PCDHA7: variants seen among roughly 807,000 people sequenced by gnomAD.
The protein encoded by PCDHA7 is protocadherin alpha 7.
PCDHA7 carries 37 observed loss-of-function variants against 57.2 expected under a neutral mutation model. The observed-to-expected ratio is 0.65, with a 90% confidence interval of 0.50 to 0.85. PCDHA7 has a LOEUF of 0.85. PCDHA7 is among the 40% of genes least tolerant of loss of function. PCDHA7 has a pLI of 0.00. For missense variants in PCDHA7, 1,188 were observed against 1,241.8 expected, an observed-to-expected ratio of 0.96 and a Z score of 0.65; for synonymous variants, 553 against 558.8, an observed-to-expected ratio of 0.99 and a Z score of 0.15.
intron 1 of PCDHA7, chr5:140,850,154 G>C (rs2150469964): frequency 6.3e-7 from 1 of 1,595,410 alleles, no homozygotes; most frequent in Non-Finnish European, 8.6e-7. Flanking sequence ...CGCTGCAGGT[G>C]TTCGTGCTGG....
At chr5:140,849,820 C>A (rs2150451868) in intron 1 of PCDHA7, 1 of 1,598,424 alleles carries the variant, frequency 6.3e-7, no homozygotes, top group South Asian at 1.1e-5. Context: ...GCCAGGGTGT[C>A]TGTGGAGGTG....
intron 1 of PCDHA7, chr5:140,883,017 C>G: frequency 6.2e-7 from 1 of 1,614,054 alleles, no homozygotes. Context: ...TATAAAGTGA[C>G]GGTGTTAGAG....
intron 1 of PCDHA7, among the ~76,000 whole-genome samples, chr5:140,838,628 T>G (rs1364400587): frequency 2.0e-5 from 3 of 151,994 alleles, no homozygotes; most frequent in African/African-American, 7.3e-5. Flanking sequence ...TTACAAATAA[T>G]TTGGTTGGTC....
chr5:140,842,467 C>T (rs1554139064), intron 1 of PCDHA7: 3 of 1,613,802 alleles, frequency 1.9e-6, no homozygotes, highest in East Asian at 2.2e-5. Context: ...CAGGTGCCAA[C>T]GGGCAGGTGA....
chr5:140,915,542 G>T (rs1253663657), intron 1 of PCDHA7, among the ~76,000 whole-genome samples: 2 of 152,030 alleles, frequency 1.3e-5, no homozygotes, highest in Admixed American at 6.6e-5. Context: ...TGGAGGTCTT[G>T]AATAAGATCC....
chr5:140,862,339 C>T (rs1221529489), intron 1 of PCDHA7: 2 of 332,834 alleles, frequency 6.0e-6, no homozygotes, highest in Non-Finnish European at 1.2e-5. Context: ...TTGACCCTAA[C>T]TTCAGTGCCA....
At chr5:140,907,590 C>A (rs924020141) in intron 1 of PCDHA7, among the ~76,000 whole-genome samples, 11 of 152,210 alleles carry the variant, frequency 7.2e-5, no homozygotes, top group Non-Finnish European at 1.6e-4. Flanking sequence ...TGGCTGATCA[C>A]CCTGAGGAAT....
intron 1 of PCDHA7, among the ~76,000 whole-genome samples, chr5:140,871,921 A>G (rs1267841761): frequency 6.6e-6 from 1 of 152,296 alleles, no homozygotes; most frequent in African/African-American, 2.4e-5. Flanking sequence ...ATATTTCCAC[A>G]TTGTTAGATC....
At position 140,868,819 on chromosome 5, in the gene PCDHA7, G is replaced by A. The variant is rs2050665181; in HGVS notation, c.2355+32081G>A. The A allele has an allele frequency of 7.5e-5, 29 of 388,032 alleles. No individual in the cohort carries two copies. In the East Asian group the frequency reaches 1.2e-3, roughly 16 times the overall value. The allele number at this position is 388,032 out of a possible 1,614,324, so 24.0% of individuals were successfully genotyped here. On this transcript the variant is annotated intron_variant, in intron 1 of 3. Transcript: ENST00000525929. ...ATAAATAAGCACGTTGGAAATATTT[G>A]GGGGAAGAAACCCAAAACACGTGAA...
intron 3 of PCDHA7, among the ~76,000 whole-genome samples, chr5:141,000,393 C>CTATA (rs1563650230): frequency 1.3e-4 from 7 of 52,858 alleles, no homozygotes; most frequent in Admixed American, 2.8e-4. Context: ...CTCTCTCTCT[C>CTATA]TCTATATATA....
intron 3 of PCDHA7, 57 bp downstream of exon 3, chr5:140,982,620 C>T: frequency 2.5e-6 from 4 of 1,588,470 alleles, no homozygotes. Flanking sequence ...ATCAGATGAC[C>T]TACTTTTGTA....
intron 1 of PCDHA7, among the ~76,000 whole-genome samples, chr5:140,908,630 CA>C (rs2074062492): frequency 6.6e-6 from 1 of 152,126 alleles, no homozygotes; most frequent in East Asian, 1.9e-4. Flanking sequence ...TTGAGGTCTC[CA>C]CTGTGATTCA....
At chr5:140,927,556 A>G (rs1428283255) in intron 1 of PCDHA7, 15 of 1,614,022 alleles carry the variant, frequency 9.3e-6, no homozygotes, top group African/African-American at 1.3e-5. Flanking sequence ...AGTCACCATC[A>G]TTGTGGTGGA....
intron 1 of PCDHA7, chr5:140,868,455 A>C (rs2050469160): frequency 6.6e-6 from 1 of 152,444 alleles, no homozygotes; most frequent in Non-Finnish European, 1.5e-5. Flanking sequence ...TAAACACTAA[A>C]GAGCTGCTTT....
At position 140,837,735 on chromosome 5, in the gene PCDHA7, G is replaced by C. The variant is rs1268467335; in HGVS notation, c.2355+997G>C. On this transcript the variant is annotated intron_variant, in intron 1 of 3. Coordinates refer to ENST00000525929, the MANE Select transcript of PCDHA7 (RefSeq NM_018910.3). ...ATCACCCAGGCTGCTGAAATGCAGT[G>C]GTGGGATTATAGCCCACTGCAACCT... 1.3e-5 allele frequency among the ~76,000 whole-genome samples: 2 copies of C among 151,294 alleles called. 1 individual carries two copies. The highest frequency in any genetic ancestry group is 3.9e-4 in the East Asian group (2 of 5,172).
At chr5:140,877,010 A>T (rs1177640704) in intron 1 of PCDHA7, 2 of 1,612,296 alleles carry the variant, frequency 1.2e-6, no homozygotes, top group African/African-American at 2.7e-5. Context: ...GTGCACGCGG[A>T]GAGCGGCAAG....
intron 1 of PCDHA7, among the ~76,000 whole-genome samples, chr5:140,905,814 G>T (rs1303983123): frequency 6.6e-6 from 1 of 152,090 alleles, no homozygotes; most frequent in Non-Finnish European, 1.5e-5. Flanking sequence ...GAATTAATAG[G>T]CTAGATGTGT....
At chr5:140,871,735 A>T in intron 1 of PCDHA7, 1 of 686,792 alleles carries the variant, frequency 1.5e-6, no homozygotes, top group Non-Finnish European at 2.3e-6. Context: ...TTTGGTTAGC[A>T]AATCCTAAAA....
chr5:140,900,534 T>C (rs1583392378), intron 1 of PCDHA7, among the ~76,000 whole-genome samples: 1 of 152,202 alleles, frequency 6.6e-6, no homozygotes, highest in Admixed American at 6.5e-5. Context: ...ACCTCGGCTT[T>C]CCAAAGTGCT....
Sources: gnomAD v4.1 joint callset for allele counts (sites outside exome capture counted in the v4.1 genomes callset) on GRCh38, gnomAD v4.1.1 for gene constraint, MANE v1.5 for transcripts, NCBI Gene and HGNC (gene_info 2026-07-23, HGNC 2026-07-21) for gene names.